The following ARL3 variants were observed in gnomAD, a reference collection of about 807,000 sequenced individuals.
The protein encoded by ARL3 is ARF like GTPase 3, also known as ADP-ribosylation factor-like protein 3.
ARL3 carries 9 observed loss-of-function variants against 26.0 expected under a neutral mutation model. That is an observed-to-expected ratio of 0.35 (90% CI 0.21 to 0.60). The LOEUF (loss-of-function observed/expected upper bound fraction) is 0.60, where lower values mean the gene tolerates loss of function less well. ARL3 is among the 20% of genes least tolerant of loss of function. The pLI, the probability that ARL3 is intolerant of heterozygous loss-of-function variation, is 0.78. For missense variants in ARL3, 158 were observed against 215.7 expected (o/e 0.73, Z 1.67); for synonymous variants, 71 against 78.4 (o/e 0.91, Z 0.50).
intron 4 of ARL3, among the ~76,000 whole-genome samples, chr10:102,689,685 G>A (rs937145942): frequency 6.6e-5 from 10 of 151,956 alleles, no homozygotes; most frequent in African/African-American, 1.9e-4. Flanking sequence ...TACAAAATTA[G>A]CCAGGCGTGG....
chr10:102,700,923 G>T (rs569857848), intron 2 of ARL3, among the ~76,000 whole-genome samples: 37 of 152,030 alleles, frequency 2.4e-4, no homozygotes, highest in African/African-American at 8.4e-4. Flanking sequence ...TTTTAGTAGA[G>T]ATGGGGTTTC....
At chr10:102,690,199 C>T (rs575541570) in intron 3 of ARL3, among the ~76,000 whole-genome samples, 1 of 152,114 alleles carries the variant, frequency 6.6e-6, no homozygotes, top group African/African-American at 2.4e-5. Context: ...GATAAAATAG[C>T]TACATTTAAT....
rs6584521 is a variant in ARL3, at chr10:102,699,644, C to A, written c.148-155G>T. Among the ~76,000 whole-genome samples the A allele has an allele frequency of 1, 152,098 of 152,368 alleles. 75,914 individuals are homozygous for A. Among genetic ancestry groups the A allele is most frequent in the East Asian group, 1 (5,192 of 5,192 alleles). On this transcript the variant is annotated intron_variant, in intron 2 of 5. Coordinates refer to ENST00000260746, the MANE Select transcript of ARL3 (RefSeq NM_004311.4). ...AAATGATTTGTTGTGACAGAGAATACAGAAACATATTTATACATGCTTGTT... is the reference window on the plus strand; with the variant it reads ...AAATGATTTGTTGTGACAGAGAATAAAGAAACATATTTATACATGCTTGTT...
At chr10:102,695,100 A>G (rs768245123) in intron 3 of ARL3, among the ~76,000 whole-genome samples, 50 of 152,342 alleles carry the variant, frequency 3.3e-4, no homozygotes, top group South Asian at 8.3e-4. Flanking sequence ...TTTCAGTACT[A>G]TGTTAGCCAT....
At chr10:102,701,560 T>C (rs1401090219) in intron 2 of ARL3, among the ~76,000 whole-genome samples, 1 of 152,196 alleles carries the variant, frequency 6.6e-6, no homozygotes, top group African/African-American at 2.4e-5. Context: ...AAAAGTTTCA[T>C]TGTGACTCAC....
intron 2 of ARL3, among the ~76,000 whole-genome samples, chr10:102,700,841 G>A (rs1465916784): frequency 2.1e-5 from 3 of 142,014 alleles, no homozygotes; most frequent in African/African-American, 5.2e-5. Flanking sequence ...GGATTCAAGC[G>A]ATTATCCTGC....
rs1236257893 is a variant in ARL3, at chr10:102,690,474, C to T, written c.265-531G>A. Among the ~76,000 whole-genome samples, 6 of 151,840 alleles carry T rather than the reference C, an allele frequency of 4.0e-5. No homozygotes were observed. The East Asian group carries it at 9.7e-4, about 24-fold the overall frequency. On this transcript the variant is annotated intron_variant, in intron 3 of 5. Transcript: ENST00000260746. ...AATTTTTTTGTAGTTTTAGTAGAGA[C>T]GGCGTTTCACCATGTCGGCCAGGCT...
chr10:102,680,524 GA>G (rs1425095181), intron 5 of ARL3, among the ~76,000 whole-genome samples: 2 of 152,182 alleles, frequency 1.3e-5, no homozygotes, highest in Non-Finnish European at 1.5e-5. Context: ...ACCACTGGGA[GA>G]AACAGCAGGC....
rs1255910345 is a variant in ARL3 at position 102,675,863 on chromosome 10, C to T, written c.*1031G>A. The T allele has an allele frequency of 6.6e-6, 1 of 152,546 alleles. No homozygotes were observed. Among genetic ancestry groups the T allele is most frequent in the Admixed American group, 6.6e-5 (1 of 15,266 alleles). 9.4% of individuals were successfully genotyped at this position (152,546 alleles called of 1,614,324 possible). ...AAAAATTGATCTAAAAATCGATCTG[C>T]CTGGCTTTTCTCAGTGGAGCAGGTT... On this transcript the variant is annotated 3_prime_UTR_variant, in exon 6 of 6. Transcript: ENST00000260746.
At chr10:102,686,451 CTTT>C (rs1165262040) in intron 4 of ARL3, among the ~76,000 whole-genome samples, 1 of 144,234 alleles carries the variant, frequency 6.9e-6, no homozygotes, top group Non-Finnish European at 1.5e-5. Context: ...GATTCTCAAA[CTTT>C]TTTTTTTCTT....
Position 102,705,349 on chromosome 10 carries a change from T to C in ARL3, c.144A>G (p.Thr48=), listed in dbSNP as rs760121909. The C allele has an allele frequency of 8.1e-6, 13 of 1,602,794 alleles. No homozygotes were observed. In the African/African-American group the frequency reaches 9.4e-5, roughly 12 times the overall value. ...CTGGAGCCAAGGCAGTGCTCACCTG[T>C]GTAGGTGTGATGTGGCTGATGTCTT... ...ASEDISHITP[T]QGFNIKSVQS... Residue 48 remains threonine, a synonymous_variant, in exon 2 of 6, where the codon ACA becomes ACG. Coordinates refer to ENST00000260746, the MANE Select transcript of ARL3 (RefSeq NM_004311.4).
chr10:102,708,222 T>C (rs1262357724), intron 1 of ARL3, among the ~76,000 whole-genome samples: 1 of 152,156 alleles, frequency 6.6e-6, no homozygotes, highest in Admixed American at 6.5e-5. Context: ...TTTGACAGCA[T>C]TCCTTCTTAA....
At chr10:102,679,114 C>T (rs1486279341) in intron 5 of ARL3, among the ~76,000 whole-genome samples, 1 of 152,170 alleles carries the variant, frequency 6.6e-6, no homozygotes, top group African/African-American at 2.4e-5. Context: ...GGAGTGGCAT[C>T]TTTCTTGTGC....
intron 2 of ARL3, among the ~76,000 whole-genome samples, chr10:102,700,138 G>A (rs2064271368): frequency 6.6e-6 from 1 of 152,176 alleles, no homozygotes; most frequent in South Asian, 2.1e-4. Context: ...CAGGCTGGGT[G>A]CGTAGCTCAC....
intron 5 of ARL3, among the ~76,000 whole-genome samples, chr10:102,682,720 T>C (rs2135996545): frequency 6.6e-6 from 1 of 152,372 alleles, no homozygotes; most frequent in African/African-American, 2.4e-5. Flanking sequence ...CTCTTAAATA[T>C]GTTTTGATTA....
rs191446980 is a variant in ARL3 at position 102,682,823 on chromosome 10, C to T, written c.501+2993G>A. On this transcript the variant is annotated intron_variant, in intron 5 of 5. Coordinates refer to ENST00000260746, the MANE Select transcript of ARL3 (RefSeq NM_004311.4). ...TTATTTTTAAACCTTTGTACATTTT[C>T]TTTCAGAGTTGTTAGAATCAGATGT... Among the ~76,000 whole-genome samples the T allele has an allele frequency of 8.9e-4, 135 of 152,120 alleles. 1 individual carries two copies. Among genetic ancestry groups the T allele is most frequent in the Admixed American group, 2.4e-3 (36 of 15,272 alleles).
In ARL3 at chr10:102,689,974, T is replaced by C. The variant is rs760948302; in HGVS notation, c.265-31A>G. Reference sequence around the variant, plus strand: ...AAGGAAAAGAAGAAGGTTATTTCAGTGAGCAGAGATGGAAAAGACAGGGCA... The same window carrying C: ...AAGGAAAAGAAGAAGGTTATTTCAGCGAGCAGAGATGGAAAAGACAGGGCA... On this transcript the variant is annotated intron_variant, in intron 3 of 5. Transcript: ENST00000260746. 4 of 1,471,894 alleles carry C rather than the reference T, an allele frequency of 2.7e-6. No individual in the cohort carries two copies. In the East Asian group the frequency reaches 9.1e-5, roughly 33 times the overall value. 91.2% of individuals were successfully genotyped at this position (1,471,894 alleles called of 1,614,324 possible).
At chr10:102,687,417 T>G (rs1421434035) in intron 4 of ARL3, among the ~76,000 whole-genome samples, 1 of 151,782 alleles carries the variant, frequency 6.6e-6, no homozygotes, top group Non-Finnish European at 1.5e-5. Context: ...AAAAAAATTT[T>G]TTTTGGCCAG....
intron 3 of ARL3, among the ~76,000 whole-genome samples, chr10:102,691,082 C>G (rs984108360): frequency 2.0e-5 from 3 of 152,022 alleles, no homozygotes; most frequent in Non-Finnish European, 4.4e-5. Context: ...TGTAAGAGGT[C>G]AGCAGTCAAT....
Sources: gnomAD v4.1 joint callset for allele counts (sites outside exome capture counted in the v4.1 genomes callset) on GRCh38, gnomAD v4.1.1 for gene constraint, MANE v1.5 for transcripts, NCBI Gene and HGNC (gene_info 2026-07-23, HGNC 2026-07-21) for gene names.